The following MKLN1 variants were observed in gnomAD, a reference collection of about 807,000 sequenced individuals.
The protein encoded by MKLN1 is muskelin.
A neutral mutation model predicts 99.0 loss-of-function variants in MKLN1; 18 were observed. That is an observed-to-expected ratio of 0.18 (90% confidence interval 0.13 to 0.27). MKLN1 has a LOEUF of 0.27. Among genes scored for constraint, MKLN1 ranks in the 10% least tolerant of loss-of-function variants. MKLN1 has a pLI of 1.00. For synonymous variants in MKLN1, 288 were observed against 293.2 expected (o/e 0.98, Z 0.18); for missense variants, 621 against 875.9 (o/e 0.71, Z 3.67).
At chr7:131,153,748 C>T (rs1022553718) in intron 2 of MKLN1, among the ~76,000 whole-genome samples, 4 of 149,126 alleles carry the variant, frequency 2.7e-5, no homozygotes, top group South Asian at 2.1e-4. Context: ...CTGCAACCTC[C>T]GCCTCCTGGG....
intron 1 of MKLN1, among the ~76,000 whole-genome samples, chr7:131,128,186 C>T (rs1036243764): frequency 1.4e-5 from 2 of 144,328 alleles, no homozygotes; most frequent in Non-Finnish European, 1.5e-5. Context: ...GAGAAGGGAC[C>T]GAAGTATCGC....
intron 2 of MKLN1, among the ~76,000 whole-genome samples, chr7:131,145,283 C>T (rs1017452351): frequency 5.9e-5 from 9 of 152,070 alleles, no homozygotes; most frequent in African/African-American, 1.9e-4. Context: ...CAAAGATCCT[C>T]GAATTGTACA....
intron 1 of MKLN1, among the ~76,000 whole-genome samples, chr7:131,119,541 T>C (rs1795329326): frequency 6.6e-6 from 1 of 152,242 alleles, no homozygotes; most frequent in Non-Finnish European, 1.5e-5. Flanking sequence ...CAACTCCACA[T>C]TTCCCCCCCA....
At chr7:131,431,821 A>T (rs570926401) in intron 9 of MKLN1, among the ~76,000 whole-genome samples, 28 of 152,298 alleles carry the variant, frequency 1.8e-4, no homozygotes, top group Non-Finnish European at 3.2e-4. Context: ...CTCATCTCCC[A>T]TGTGCCAGTT....
In MKLN1 at chr7:131,470,904, A is replaced by C; in HGVS notation, c.1991A>C (p.Tyr664Ser). 1 of 1,613,208 alleles carries C rather than the reference A, an allele frequency of 6.2e-7. No homozygotes were observed. Among genetic ancestry groups the C allele is most frequent in the Admixed American group, 1.7e-5 (1 of 60,002 alleles). The change falls in exon 16 of 18, where the codon TAT becomes TCT. Residue 664 changes from tyrosine (Y) to serine (S), a missense_variant. By Grantham distance (144) the Tyr-to-Ser change is moderately radical. Around this residue, in one of 8 missense-constraint regions of MKLN1, gnomAD observed 126 missense variants for 157.4 expected, o/e 0.80. Coordinates refer to ENST00000352689, the MANE Select transcript of MKLN1 (RefSeq NM_013255.5). ...SALKYLQNDL[Y>S]ITVDHSDPEE... ...CTGAAATATTTACAAAATGATCTTTATATAACTGTGGATCATTCAGACCCA... is the reference window on the plus strand; with the variant it reads ...CTGAAATATTTACAAAATGATCTTTCTATAACTGTGGATCATTCAGACCCA...
intron 1 of MKLN1, among the ~76,000 whole-genome samples, chr7:131,361,595 CTTT>C (rs200588778): frequency 1.4e-5 from 2 of 140,968 alleles, no homozygotes; most frequent in Non-Finnish European, 1.6e-5. Flanking sequence ...TTCTGGCTTT[CTTT>C]TTTTTTTTTT....
intron 6 of MKLN1, among the ~76,000 whole-genome samples, chr7:131,408,690 G>T (rs1469906309): frequency 6.6e-6 from 1 of 152,050 alleles, no homozygotes; most frequent in African/African-American, 2.4e-5. Context: ...TGAACTCCTG[G>T]CCTTGAATGA....
intron 1 of MKLN1, among the ~76,000 whole-genome samples, chr7:131,362,205 T>C (rs1800051011): frequency 6.6e-6 from 1 of 152,014 alleles, no homozygotes. Flanking sequence ...GAGAAGTGTC[T>C]CTTTAGGTGG....
At chr7:131,478,560 T>C (rs979094402) in intron 16 of MKLN1, 63 bp from the exon 17 acceptor site, 2 of 1,440,284 alleles carry the variant, frequency 1.4e-6, no homozygotes, top group South Asian at 1.5e-5. Context: ...AAGGCTATTT[T>C]CCTTCAGTGC....
chr7:131,174,991 A>G (rs1256448209), intron 2 of MKLN1, among the ~76,000 whole-genome samples: 2 of 150,958 alleles, frequency 1.3e-5, no homozygotes, highest in African/African-American at 4.9e-5. Context: ...AGATAGATAG[A>G]TAGATAGATA....
intron 17 of MKLN1, among the ~76,000 whole-genome samples, chr7:131,483,259 A>C (rs1254941035): frequency 1.3e-5 from 2 of 152,186 alleles, no homozygotes; most frequent in Non-Finnish European, 1.5e-5. Context: ...TTTTAGAAAA[A>C]AACATTGATT....
chr7:131,394,326 T>G lies in MKLN1; in HGVS notation c.401-2941T>G, dbSNP rs149430768. On this transcript the variant is annotated intron_variant, in intron 4 of 17. Transcript: ENST00000352689. The stretch of plus-strand genomic sequence containing the variant: ...ACCTTTTTGACACCAGCGACCAGTT[T>G]TGTGGAAGACAGTTTTTCTGTGGAC... Among the ~76,000 whole-genome samples, 745 of 152,148 alleles carry G rather than the reference T, an allele frequency of 4.9e-3. 14 individuals carry two copies. Among genetic ancestry groups the G allele is most frequent in the African/African-American group, 0.017 (692 of 41,410 alleles).
At chr7:131,361,368 T>TTTAA (rs576555838) in intron 1 of MKLN1, among the ~76,000 whole-genome samples, 4 of 151,908 alleles carry the variant, frequency 2.6e-5, no homozygotes, top group Non-Finnish European at 4.4e-5. Context: ...CTGTCATATC[T>TTTAA]TTAAGCTCAC....
At chr7:131,319,999 C>G (rs919518858) in intron 3 of MKLN1, among the ~76,000 whole-genome samples, 1 of 152,166 alleles carries the variant, frequency 6.6e-6, no homozygotes, top group Non-Finnish European at 1.5e-5. Flanking sequence ...AATGGCCATA[C>G]TGCCCAAAGT....
chr7:131,443,577 C>A lies in MKLN1; in HGVS notation c.1270C>A (p.Gln424Lys). ...AGATGACAGCAGAGCCAGTGAACCA[C>A]AATTCAGTGGCTTGTTTGCTTTCAA... ...SVDDSRASEPQFSGLFAFNCQ... is the reference protein window; with the variant it reads ...SVDDSRASEPKFSGLFAFNCQ... The change falls in exon 11 of 18, where the codon CAA (glutamine) becomes AAA (lysine). Residue 424 changes from glutamine (Q) to lysine (K), a missense_variant. By Grantham distance (53) the Gln-to-Lys change is moderately conservative. Transcript: ENST00000352689. 1 of 1,613,804 alleles carries A rather than the reference C, an allele frequency of 6.2e-7. No individual in the cohort carries two copies. Among genetic ancestry groups the A allele is most frequent in the South Asian group, 1.1e-5 (1 of 91,082 alleles).
chr7:131,489,872 C>A lies in MKLN1; in HGVS notation c.*2144C>A, dbSNP rs1283891993. The A allele has an allele frequency of 6.6e-6, 1 of 151,944 alleles. No individual in the cohort carries two copies. Among genetic ancestry groups the A allele is most frequent in the Non-Finnish European group, 1.5e-5 (1 of 67,960 alleles). The allele number at this position is 151,944 out of a possible 1,614,324, so 9.4% of individuals were successfully genotyped here. On this transcript the variant is annotated 3_prime_UTR_variant, in exon 18 of 18. Coordinates refer to ENST00000352689, the MANE Select transcript of MKLN1 (RefSeq NM_013255.5). ...CTCACTTTATTTAGGTAGAATTTTTCCCCCTTCATTTCTGAAATTTTTTGC... is the reference window on the plus strand; with the variant it reads ...CTCACTTTATTTAGGTAGAATTTTTACCCCTTCATTTCTGAAATTTTTTGC...
At chr7:131,466,201 C>G (rs1796656987) in intron 14 of MKLN1, 75 bp from the exon 15 acceptor site, 2 of 1,013,488 alleles carry the variant, frequency 2.0e-6, no homozygotes, top group Non-Finnish European at 2.7e-6. Flanking sequence ...GGAAGTTAAC[C>G]TGTTATGCAC....
In MKLN1 at chr7:131,334,005, C is replaced by T. The variant is rs187173818; in HGVS notation, c.98+6008C>T. 2.6e-3 allele frequency among the ~76,000 whole-genome samples: 395 copies of T among 152,278 alleles called. 2 individuals carry two copies. The highest frequency in any genetic ancestry group is 4.4e-3 in the Non-Finnish European group (296 of 68,024). ...ATCAGAGACAGGTCCGTAGAGATGTCTAGAGGATGCTTATATAATTCAAAA... is the reference window on the plus strand; with the variant it reads ...ATCAGAGACAGGTCCGTAGAGATGTTTAGAGGATGCTTATATAATTCAAAA... On this transcript the variant is annotated intron_variant, in intron 1 of 17. Transcript: ENST00000352689.
chr7:131,460,563 C>T (rs541760946), intron 12 of MKLN1, among the ~76,000 whole-genome samples: 19 of 152,330 alleles, frequency 1.2e-4, no homozygotes, highest in South Asian at 4.1e-4. Context: ...TTCTTATTTA[C>T]GCCCCTATGT....
Sources: gnomAD v4.1 joint callset for allele counts (sites outside exome capture counted in the v4.1 genomes callset) on GRCh38, gnomAD v4.1.1 for gene constraint, gnomAD v4.1.1 regional missense constraint, MANE v1.5 for transcripts, NCBI Gene and HGNC (gene_info 2026-07-23, HGNC 2026-07-21) for gene names.